The following FDFT1 variants were observed in gnomAD, a reference collection of about 807,000 sequenced individuals.
The protein encoded by FDFT1 is squalene synthase.
A neutral mutation model predicts 46.8 loss-of-function variants in FDFT1; 68 were observed. The ratio of observed to expected loss-of-function variants is 1.45; its 90% CI spans 1.19 to 1.78. The LOEUF is 1.78. FDFT1 is among the 40% of genes most tolerant of loss of function. The pLI is 0.00. For missense variants in FDFT1, 928 were observed against 524.4 expected, an observed-to-expected ratio of 1.77 and a Z score of -7.52; for synonymous variants, 351 against 185.1, an observed-to-expected ratio of 1.90 and a Z score of -7.28.
chr8:11,830,549 T>C (rs1810635286), intron 6 of FDFT1, 129 bp downstream of exon 6: 2 of 682,128 alleles, frequency 2.9e-6, no homozygotes, highest in African/African-American at 1.8e-5. Context: ...TTTATTACGC[T>C]GGGAGTTTCA....
chr8:11,808,753 C>T (rs753503813), intron 1 of FDFT1, 41 bp from the exon 2 acceptor site: 20 of 1,604,524 alleles, frequency 1.2e-5, no homozygotes, highest in East Asian at 2.2e-5. Flanking sequence ...CACTCCTGCT[C>T]CTCGACGTCT....
chr8:11,836,437 C>T (rs540686591), intron 7 of FDFT1, among the ~76,000 whole-genome samples: 1 of 152,374 alleles, frequency 6.6e-6, no homozygotes, highest in South Asian at 2.1e-4. Context: ...AACTGCCTGG[C>T]ACGTGGGTCC....
At chr8:11,809,384 C>T (rs934202291) in intron 2 of FDFT1, 3 of 1,162,792 alleles carry the variant, frequency 2.6e-6, no homozygotes, top group African/African-American at 3.2e-5. Flanking sequence ...GTTTGGTCTT[C>T]TGGTCTCCAT....
upstream of FDFT1, chr8:11,802,541 G>C (rs962618894): frequency 8.8e-6 from 5 of 569,554 alleles, no homozygotes; most frequent in African/African-American, 7.4e-5. Flanking sequence ...TGAGCTTCTA[G>C]AGTGTTATCA....
upstream of FDFT1, among the ~76,000 whole-genome samples, chr8:11,800,148 C>G (rs1204361350): frequency 1.3e-5 from 2 of 150,388 alleles, no homozygotes; most frequent in South Asian, 2.1e-4. Context: ...GTAATCCCAG[C>G]TACTCGGGAG....
intron 4 of FDFT1, among the ~76,000 whole-genome samples, chr8:11,825,520 A>T (rs1330300932): frequency 1.4e-5 from 2 of 142,800 alleles, no homozygotes; most frequent in African/African-American, 5.3e-5. Context: ...AGCCCAGGGG[A>T]CAAAGTGAGA....
chr8:11,821,661 A>G (rs1014681983), intron 3 of FDFT1, 89 bp from the exon 4 acceptor site: 1 of 1,464,646 alleles, frequency 6.8e-7, no homozygotes, highest in Non-Finnish European at 9.5e-7. Context: ...TGCAGTCATG[A>G]TTAATTCCGC....
intron 1 of FDFT1, among the ~76,000 whole-genome samples, chr8:11,804,049 G>A (rs1375817579): frequency 6.6e-6 from 1 of 152,112 alleles, no homozygotes; most frequent in East Asian, 1.9e-4. Flanking sequence ...ACAAATATTT[G>A]ACGACCAGTT....
upstream of FDFT1, among the ~76,000 whole-genome samples, chr8:11,800,714 A>G (rs982354779): frequency 1.3e-5 from 2 of 152,266 alleles, no homozygotes; most frequent in African/African-American, 4.8e-5. Flanking sequence ...TATCATAGCT[A>G]GCAGATATTT....
intron 3 of FDFT1, among the ~76,000 whole-genome samples, chr8:11,814,772 A>G (rs1808209193): frequency 6.6e-6 from 1 of 152,006 alleles, no homozygotes; most frequent in Admixed American, 6.6e-5. Flanking sequence ...GAGAAACTCT[A>G]TAGCTTCATA....
chr8:11,801,404 C>A (rs1182323791), upstream of FDFT1, among the ~76,000 whole-genome samples: 1 of 152,226 alleles, frequency 6.6e-6, no homozygotes, highest in Admixed American at 6.5e-5. Flanking sequence ...ACTGCAACCT[C>A]TGCCTCCTGT....
chr8:11,833,462 G>C (rs1051228924), intron 7 of FDFT1, among the ~76,000 whole-genome samples: 12 of 152,208 alleles, frequency 7.9e-5, no homozygotes, highest in Admixed American at 2.6e-4. Context: ...AAGTAGTTGA[G>C]AGTGTTTTGG....
intron 3 of FDFT1, among the ~76,000 whole-genome samples, chr8:11,811,774 G>A (rs1253684802): frequency 6.6e-6 from 1 of 152,194 alleles, no homozygotes; most frequent in Non-Finnish European, 1.5e-5. Flanking sequence ...TTTCACTGTT[G>A]TTCACCTTTT....
intron 7 of FDFT1, among the ~76,000 whole-genome samples, chr8:11,832,737 C>T (rs1410367356): frequency 6.6e-6 from 1 of 151,854 alleles, no homozygotes; most frequent in African/African-American, 2.4e-5. Flanking sequence ...GTGCTACTGG[C>T]ATCTGGTGAG....
chr8:11,811,506 G>A (rs1040746831), intron 3 of FDFT1, among the ~76,000 whole-genome samples: 10 of 152,218 alleles, frequency 6.6e-5, no homozygotes, highest in East Asian at 3.8e-4. Flanking sequence ...GTGTGTGAAT[G>A]CTAACATAAT....
At chr8:11,796,200 AGTAT>A (rs2130606248) in intron 1 of FDFT1, among the ~76,000 whole-genome samples, 1 of 152,300 alleles carries the variant, frequency 6.6e-6, no homozygotes, top group East Asian at 1.9e-4. Context: ...CTGTAATGGG[AGTAT>A]GTAAAGTGTT....
intron 3 of FDFT1, among the ~76,000 whole-genome samples, chr8:11,813,756 C>T (rs896152542): frequency 6.6e-6 from 1 of 152,192 alleles, no homozygotes; most frequent in East Asian, 1.9e-4. Context: ...AGAAAGTGAT[C>T]TGAGAACATA....
chr8:11,825,053 A>G (rs1334217083), intron 4 of FDFT1, among the ~76,000 whole-genome samples: 1 of 152,150 alleles, frequency 6.6e-6, no homozygotes, highest in Non-Finnish European at 1.5e-5. Flanking sequence ...AGAGTTCTTA[A>G]AACCGTGTCA....
At chr8:11,795,883 A>G in exon 1 of FDFT1, 1 of 152,996 alleles carries the variant, frequency 6.5e-6, no homozygotes, top group Non-Finnish European at 1.5e-5. Flanking sequence ...CATCAGAAGG[A>G]ACAGACTCCG....
Sources: gnomAD v4.1 joint callset for allele counts (sites outside exome capture counted in the v4.1 genomes callset) on GRCh38, gnomAD v4.1.1 for gene constraint, MANE v1.5 for transcripts, NCBI Gene and HGNC (gene_info 2026-07-23, HGNC 2026-07-21) for gene names.